Variants in SDK1 observed in about 807,000 individuals in gnomAD.
SDK1 encodes sidekick cell adhesion molecule 1.
A neutral mutation model predicts 245.5 loss-of-function variants in SDK1; 157 were observed. The ratio of observed to expected loss-of-function variants is 0.64; its 90% confidence interval spans 0.56 to 0.73. The LOEUF is 0.73. Ranked by LOEUF, SDK1 falls within the 30% of genes least tolerant of loss-of-function variation. The probability of loss-of-function intolerance (pLI) is 0.00; values close to 1 mark genes in which losing one functional copy is unlikely to be tolerated. For synonymous variants in SDK1, 1,647 were observed against 1,278.5 expected, an observed-to-expected ratio of 1.29 and a Z score of -6.15; for missense variants, 3,583 against 3,002.3, an observed-to-expected ratio of 1.19 and a Z score of -4.52.
At position 3,917,688 on chromosome 7, in the gene SDK1, A is replaced by C. The variant is rs529717669; in HGVS notation, c.848-33235A>C. On this transcript the variant is annotated intron_variant, in intron 5 of 44. Coordinates refer to ENST00000404826, the MANE Select transcript of SDK1 (RefSeq NM_152744.4). ...TGGGACCAGCTGTCAAATTAAAAGC[A>C]TAAGTCACACATTCTATTTCCAGAG... Among the ~76,000 whole-genome samples the C allele has an allele frequency of 6.3e-4, 96 of 152,330 alleles. 1 individual carries two copies. The highest frequency in any genetic ancestry group is 6.2e-3 in the Admixed American group (95 of 15,302).
At position 4,268,165 on chromosome 7, in the gene SDK1, G is replaced by A. The variant is rs1490843923; in HGVS notation, c.*2781G>A. The A allele has an allele frequency of 2.0e-6, 2 of 986,896 alleles. No homozygotes were observed. Among genetic ancestry groups the A allele is most frequent in the Non-Finnish European group, 1.2e-6 (1 of 830,972 alleles). 61.1% of individuals were successfully genotyped at this position (986,896 alleles called of 1,614,324 possible). A position where few individuals can be genotyped will look rare whatever the true frequency, so the allele number is the denominator to read the frequency against. On this transcript the variant is annotated 3_prime_UTR_variant, in exon 45 of 45. Transcript: ENST00000404826. ...CGGATGCCTCATGACAGCAGTGGCTGAGTCTCCCCACCCACCCCCAACGTG... is the reference window on the plus strand; with the variant it reads ...CGGATGCCTCATGACAGCAGTGGCTAAGTCTCCCCACCCACCCCCAACGTG...
intron 9 of SDK1, among the ~76,000 whole-genome samples, chr7:3,966,149 C>T (rs1782066469): frequency 6.6e-6 from 1 of 152,016 alleles, no homozygotes; most frequent in South Asian, 2.1e-4. Flanking sequence ...GTTAGGGGGC[C>T]TGCGGCATCT....
At chr7:4,246,745 G>A (rs1364882421) in intron 44 of SDK1, among the ~76,000 whole-genome samples, 1 of 152,166 alleles carries the variant, frequency 6.6e-6, no homozygotes, top group Non-Finnish European at 1.5e-5. Flanking sequence ...GGACCAGGGA[G>A]ATGGCTTCCC....
intron 14 of SDK1, among the ~76,000 whole-genome samples, chr7:4,008,229 T>C (rs1356548314): frequency 6.6e-6 from 1 of 152,240 alleles, no homozygotes; most frequent in Non-Finnish European, 1.5e-5. Flanking sequence ...TTCCTTCCTT[T>C]AAGAAGCTGA....
At chr7:3,670,805 T>G (rs1783677384) in intron 4 of SDK1, among the ~76,000 whole-genome samples, 1 of 152,204 alleles carries the variant, frequency 6.6e-6, no homozygotes, top group African/African-American at 2.4e-5. Flanking sequence ...CTGTTGTAGA[T>G]CAGTTAACAT....
chr7:3,451,175 G>A (rs1292802074), intron 1 of SDK1, among the ~76,000 whole-genome samples: 2 of 152,128 alleles, frequency 1.3e-5, no homozygotes, highest in African/African-American at 2.4e-5. Flanking sequence ...TGAACAAGAC[G>A]TGAGCAATGT....
chr7:3,588,209 A>G (rs2705606), intron 1 of SDK1, among the ~76,000 whole-genome samples: 85,378 of 151,994 alleles, frequency 0.56, 24,223 homozygotes, highest in South Asian at 0.75. Context: ...TTCAAGCAAA[A>G]CATACCTGTT....
chr7:4,080,942 C>T (rs182985570), intron 22 of SDK1, among the ~76,000 whole-genome samples: 11 of 152,204 alleles, frequency 7.2e-5, no homozygotes, highest in Non-Finnish European at 1.2e-4. Flanking sequence ...AACTTTAAAA[C>T]GCTTAGGATT....
intron 1 of SDK1, among the ~76,000 whole-genome samples, chr7:3,551,915 A>G (rs917379850): frequency 6.6e-6 from 1 of 152,220 alleles, no homozygotes; most frequent in African/African-American, 2.4e-5. Flanking sequence ...ATTGTGAATC[A>G]CATTATCAAG....
intron 5 of SDK1, among the ~76,000 whole-genome samples, chr7:3,835,225 G>T (rs1472603860): frequency 6.6e-6 from 1 of 152,156 alleles, no homozygotes; most frequent in East Asian, 1.9e-4. Flanking sequence ...GAGCTTCTTT[G>T]TCTGACTTAG....
At chr7:3,691,336 C>A (rs188437939) in intron 4 of SDK1, among the ~76,000 whole-genome samples, 16 of 152,264 alleles carry the variant, frequency 1.1e-4, no homozygotes, top group African/African-American at 3.9e-4. Flanking sequence ...ACTCGAAGTA[C>A]AAGATAAATC....
intron 1 of SDK1, among the ~76,000 whole-genome samples, chr7:3,535,288 A>C (rs940479387): frequency 2.6e-5 from 4 of 152,136 alleles, no homozygotes; most frequent in African/African-American, 9.7e-5. Flanking sequence ...AATAAAGAAA[A>C]AGAAAACTGT....
At chr7:3,821,730 C>A in intron 5 of SDK1, 147 bp downstream of exon 5, 6 of 726,658 alleles carry the variant, frequency 8.3e-6, no homozygotes, top group African/African-American at 1.8e-5. Context: ...GCCAATAGTT[C>A]GGAGAGCTTT....
At chr7:3,357,628 A>G (rs890508501) in intron 1 of SDK1, among the ~76,000 whole-genome samples, 2 of 151,726 alleles carry the variant, frequency 1.3e-5, no homozygotes, top group African/African-American at 2.4e-5. Context: ...GATGACAGGC[A>G]TGAGCCGCAC....
intron 4 of SDK1, among the ~76,000 whole-genome samples, chr7:3,646,867 T>A (rs1296017718): frequency 1.3e-5 from 2 of 152,094 alleles, no homozygotes; most frequent in Non-Finnish European, 2.9e-5. Context: ...GTTAAATACC[T>A]TATGATTCCA....
intron 14 of SDK1, among the ~76,000 whole-genome samples, chr7:4,008,479 C>A (rs1485704348): frequency 6.6e-6 from 1 of 152,262 alleles, no homozygotes; most frequent in Non-Finnish European, 1.5e-5. Context: ...TGCCCCTGTA[C>A]CCTTTCCCCA....
chr7:4,171,735 G>A (rs889706904), intron 32 of SDK1, among the ~76,000 whole-genome samples: 14 of 152,314 alleles, frequency 9.2e-5, no homozygotes, highest in Middle Eastern at 3.4e-3. Flanking sequence ...CAACTCCACC[G>A]TCCATTTGAG....
chr7:3,857,841 G>T (rs1484324069), intron 5 of SDK1, among the ~76,000 whole-genome samples: 1 of 152,032 alleles, frequency 6.6e-6, no homozygotes, highest in African/African-American at 2.4e-5. Context: ...AGTAAAATAG[G>T]AACATACCAT....
intron 1 of SDK1, among the ~76,000 whole-genome samples, chr7:3,374,024 G>GT (rs1781292560): frequency 6.6e-6 from 1 of 152,110 alleles, no homozygotes; most frequent in South Asian, 2.1e-4. Flanking sequence ...AAAATGCCAT[G>GT]TTTCTTTGCT....
Sources: gnomAD v4.1 joint callset for allele counts (sites outside exome capture counted in the v4.1 genomes callset) on GRCh38, gnomAD v4.1.1 for gene constraint, MANE v1.5 for transcripts, NCBI Gene and HGNC (gene_info 2026-07-23, HGNC 2026-07-21) for gene names.